The following RASA1 variants were observed in gnomAD, a reference collection of about 807,000 sequenced individuals.
RASA1 encodes ras GTPase-activating protein 1.
RASA1 carries 25 observed loss-of-function variants against 132.2 expected under a neutral mutation model. The ratio of observed to expected loss-of-function variants is 0.19; its 90% confidence interval spans 0.14 to 0.26. The LOEUF (loss-of-function observed/expected upper bound fraction) is 0.26. RASA1 is among the 10% of genes least tolerant of loss of function. The pLI is 1.00. For missense variants in RASA1, 964 were observed against 1,299.2 expected (o/e 0.74, Z 3.97); for synonymous variants, 477 against 449.9 (o/e 1.06, Z -0.76).
At chr5:87,344,012 T>C (rs980991356) in intron 6 of RASA1, among the ~76,000 whole-genome samples, 5 of 151,928 alleles carry the variant, frequency 3.3e-5, no homozygotes, top group African/African-American at 1.2e-4. Flanking sequence ...GTGCAAAATA[T>C]TAGAAAATTA....
At chr5:87,317,645 T>G (rs2112323916) in intron 1 of RASA1, among the ~76,000 whole-genome samples, 1 of 152,154 alleles carries the variant, frequency 6.6e-6, no homozygotes, top group Admixed American at 6.5e-5. Flanking sequence ...TTTTTTTTTT[T>G]TTTCTTTTGA....
intron 9 of RASA1, among the ~76,000 whole-genome samples, chr5:87,358,000 T>C (rs2112443889): frequency 6.6e-6 from 1 of 152,298 alleles, no homozygotes; most frequent in East Asian, 1.9e-4. Context: ...TAGTAGAAGT[T>C]TGGGGAATAA....
intron 1 of RASA1, among the ~76,000 whole-genome samples, chr5:87,293,125 G>T (rs551657286): frequency 3.2e-4 from 49 of 151,900 alleles, no homozygotes; most frequent in African/African-American, 1.1e-3. Flanking sequence ...CATTAGCTAG[G>T]ACTTTGAGTA....
intron 1 of RASA1, among the ~76,000 whole-genome samples, chr5:87,310,618 C>G (rs1339749959): frequency 1.8e-4 from 28 of 152,108 alleles, no homozygotes; most frequent in Non-Finnish European, 1.5e-5. Flanking sequence ...TAAGATTGTT[C>G]AAGAAAGTGG....
chr5:87,346,500 A>T (rs1489604175), intron 6 of RASA1, among the ~76,000 whole-genome samples, 172 bp from the exon 7 acceptor site: 1 of 151,968 alleles, frequency 6.6e-6, no homozygotes, highest in Non-Finnish European at 1.5e-5. Flanking sequence ...GTTGAAATTA[A>T]GTATAATATG....
chr5:87,381,945 T>C (rs936041358), intron 20 of RASA1, among the ~76,000 whole-genome samples: 5 of 152,142 alleles, frequency 3.3e-5, no homozygotes, highest in Non-Finnish European at 7.4e-5. Flanking sequence ...AAGTCCAAAA[T>C]TAAAGACTTA....
At chr5:87,340,425 T>G (rs1397948226) in intron 5 of RASA1, among the ~76,000 whole-genome samples, 2 of 152,110 alleles carry the variant, frequency 1.3e-5, no homozygotes, top group Non-Finnish European at 2.9e-5. Context: ...TATAGTTTTT[T>G]TTTTTAAGCC....
intron 1 of RASA1, among the ~76,000 whole-genome samples, chr5:87,270,693 T>C (rs553983759): frequency 3.8e-5 from 5 of 132,874 alleles, no homozygotes; most frequent in East Asian, 2.5e-4. Context: ...TGGATAAGCT[T>C]CTTTGGAGCA....
chr5:87,363,191 T>C (rs1236701969), intron 10 of RASA1, among the ~76,000 whole-genome samples, 157 bp from the exon 11 acceptor site: 2 of 152,034 alleles, frequency 1.3e-5, no homozygotes, highest in Non-Finnish European at 2.9e-5. Flanking sequence ...TTGTACAGAT[T>C]TGTTATAGGC....
intron 1 of RASA1, among the ~76,000 whole-genome samples, chr5:87,301,809 TA>T (rs1200821365): frequency 6.6e-6 from 1 of 152,212 alleles, no homozygotes; most frequent in Non-Finnish European, 1.5e-5. Flanking sequence ...CAACCTTTAC[TA>T]TCTATTCTTT....
Position 87,286,223 on chromosome 5 carries a change from G to A in RASA1, c.539+17233G>A, listed in dbSNP as rs569217881. Among the ~76,000 whole-genome samples, 16 of 152,092 alleles carry A rather than the reference G, an allele frequency of 1.1e-4. No homozygotes were observed. The South Asian group carries it at 2.9e-3, about 28-fold the overall frequency. ...TTCACATGTTGGCAAGGCTGGTCTC[G>A]AATGCCTGACCTCAAGTGATCCACT... On this transcript the variant is annotated intron_variant, in intron 1 of 24. Transcript: ENST00000274376.
At chr5:87,338,243 A>G in intron 5 of RASA1, 152 bp downstream of exon 5, 2 of 1,239,916 alleles carry the variant, frequency 1.6e-6, no homozygotes, top group Non-Finnish European at 2.2e-6. Flanking sequence ...GTTTGTTAGT[A>G]TGGAACATAA....
Position 87,385,368 on chromosome 5 carries a change from T to C in RASA1, c.2826T>C (p.Asn942=). The change falls in exon 22 of 25, where the codon AAT becomes AAC. Residue 942 remains asparagine, a synonymous_variant. Transcript: ENST00000274376. The stretch of plus-strand genomic sequence containing the variant: ...CTAAATCTGTGCAGAACTTAGCAAA[T>C]CTTGTGGAATTTGGAGCTAAGGTAA... The part of the protein sequence containing the change: ...LVAKSVQNLA[N]LVEFGAKEPY... 1 of 1,608,010 alleles carries C rather than the reference T, an allele frequency of 6.2e-7. No individual in the cohort carries two copies. The highest frequency in any genetic ancestry group is 8.5e-7 in the Non-Finnish European group (1 of 1,174,812).
At chr5:87,284,142 T>A (rs535711568) in intron 1 of RASA1, among the ~76,000 whole-genome samples, 1 of 152,160 alleles carries the variant, frequency 6.6e-6, no homozygotes, top group Admixed American at 6.5e-5. Context: ...TACAATGAAA[T>A]GATGTTATTT....
intron 8 of RASA1, among the ~76,000 whole-genome samples, chr5:87,351,210 A>T (rs141078809): frequency 1.3e-4 from 20 of 151,856 alleles, no homozygotes; most frequent in Admixed American, 5.9e-4. Flanking sequence ...GGCATTTAAT[A>T]GCAAATTTAA....
At chr5:87,341,213 T>C in intron 5 of RASA1, 77 bp from the exon 6 acceptor site, 1 of 858,558 alleles carries the variant, frequency 1.2e-6, no homozygotes, top group East Asian at 3.4e-5. Context: ...TGTTTGCAGA[T>C]ACGATTTTCA....
intron 1 of RASA1, among the ~76,000 whole-genome samples, chr5:87,272,748 A>G (rs1054769104): frequency 2.6e-5 from 4 of 152,120 alleles, no homozygotes; most frequent in Non-Finnish European, 5.9e-5. Flanking sequence ...CAAGCCTACC[A>G]CGATTAATTA....
intron 1 of RASA1, among the ~76,000 whole-genome samples, chr5:87,285,503 A>T (rs571127801): frequency 1.3e-5 from 2 of 152,250 alleles, no homozygotes; most frequent in South Asian, 4.2e-4. Context: ...ATGCTATGGT[A>T]ATGGCTTGTG....
intron 1 of RASA1, among the ~76,000 whole-genome samples, chr5:87,297,893 AC>A (rs1441320266): frequency 6.6e-6 from 1 of 151,946 alleles, no homozygotes; most frequent in African/African-American, 2.4e-5. Flanking sequence ...AGGCTTTCTT[AC>A]CCTGGCACTG....
Sources: gnomAD v4.1 joint callset for allele counts (sites outside exome capture counted in the v4.1 genomes callset) on GRCh38, gnomAD v4.1.1 for gene constraint, MANE v1.5 for transcripts, NCBI Gene and HGNC (gene_info 2026-07-23, HGNC 2026-07-21) for gene names.